PCDH7: variants seen among roughly 807,000 people sequenced by gnomAD.
PCDH7 encodes the protein protocadherin 7.
Under a neutral mutation model 58.9 loss-of-function variants are expected in PCDH7, and 17 were observed. The observed-to-expected ratio is 0.29, with a 90% confidence interval of 0.20 to 0.43. The LOEUF (loss-of-function observed/expected upper bound fraction) is 0.43. PCDH7 is among the 20% of genes least tolerant of loss of function. The pLI, the probability that PCDH7 is intolerant of heterozygous loss-of-function variation, is 1.00. For synonymous variants in PCDH7, 664 were observed against 616.4 expected (o/e 1.08, Z -1.14); for missense variants, 1,274 against 1,441.0 (o/e 0.88, Z 1.88).
chr4:30,917,663 T>C (rs1742652280), intron 1 of PCDH7, among the ~76,000 whole-genome samples: 1 of 151,990 alleles, frequency 6.6e-6, no homozygotes, highest in Admixed American at 6.6e-5. Context: ...AAATAATTTA[T>C]AGAGATTAAA....
At position 31,079,351 on chromosome 4, in the gene PCDH7, T is replaced by TATAG. The variant is rs1553935070; in HGVS notation, c.*8-63119_*8-63118insGATA. Among the ~76,000 whole-genome samples the TATAG allele has an allele frequency of 6.1e-4, 51 of 83,486 alleles. 1 individual carries two copies. The highest frequency in any genetic ancestry group is 8.9e-4 in the Non-Finnish European group (39 of 43,866). 54.8% of individuals were successfully genotyped at this position (83,486 alleles called of 152,430 possible). ...ATATATATATATATATATATATATA[T>TATAG]ATATATATATATACACCACATTTTC... On this transcript the variant is annotated intron_variant, in intron 3 of 3. Coordinates refer to the PCDH7 transcript ENST00000509759.
chr4:31,038,346 C>A (rs1171053674), intron 3 of PCDH7, among the ~76,000 whole-genome samples: 1 of 152,000 alleles, frequency 6.6e-6, no homozygotes, highest in Non-Finnish European at 1.5e-5. Flanking sequence ...ATTTACATTA[C>A]CCATGATAAA....
chr4:31,019,862 T>C lies in PCDH7; in HGVS notation c.*7+69647T>C, dbSNP rs930941997. ...GAATTCTGTTAGCTGCCTGGAAGAA[T>C]AGTACCTGGTATGCTAGGAGTGGGG... On this transcript the variant is annotated intron_variant, in intron 3 of 3. Coordinates refer to the PCDH7 transcript ENST00000509759. Among the ~76,000 whole-genome samples, 15 of 151,858 alleles carry C rather than the reference T, an allele frequency of 9.9e-5. No individual in the cohort carries two copies. The East Asian group carries it at 2.9e-3, about 30-fold the overall frequency.
At chr4:31,131,074 C>T (rs1194184356) in intron 3 of PCDH7, among the ~76,000 whole-genome samples, 5 of 152,112 alleles carry the variant, frequency 3.3e-5, no homozygotes, top group East Asian at 1.9e-4. Flanking sequence ...AGAGTGAATG[C>T]GCAGAGCAGC....
At chr4:30,975,589 G>A (rs1321479781) in intron 3 of PCDH7, among the ~76,000 whole-genome samples, 1 of 152,138 alleles carries the variant, frequency 6.6e-6, no homozygotes, top group Non-Finnish European at 1.5e-5. Context: ...AAAGCAACAT[G>A]TTAGTATTTC....
At chr4:30,952,514 A>G (rs560646319) in intron 3 of PCDH7, among the ~76,000 whole-genome samples, 25 of 152,202 alleles carry the variant, frequency 1.6e-4, no homozygotes, top group African/African-American at 5.1e-4. Context: ...ATAATTTTGG[A>G]AAGGTGAATT....
At chr4:30,776,135 T>C (rs942428254) in intron 1 of PCDH7, 2 of 152,192 alleles carry the variant, frequency 1.3e-5, no homozygotes, top group African/African-American at 4.8e-5. Context: ...GAAGATAACA[T>C]TTTGATTATA....
chr4:30,932,537 AT>A (rs1560512603), intron 2 of PCDH7, among the ~76,000 whole-genome samples: 1 of 152,226 alleles, frequency 6.6e-6, no homozygotes. Flanking sequence ...CTACAAAATA[AT>A]TTCCAAGTAA....
exon 2 of PCDH7, chr4:30,732,766 AT>A (rs1177784551): frequency 1.3e-5 from 2 of 152,084 alleles, no homozygotes; most frequent in Non-Finnish European, 2.9e-5. Context: ...AGTTATGGCT[AT>A]TTACTATTAT....
exon 4 of PCDH7, chr4:31,142,714 A>T (rs752454116): frequency 1.5e-5 from 20 of 1,367,550 alleles, no homozygotes; most frequent in African/African-American, 3.0e-5. Flanking sequence ...AGTTGACCTC[A>T]TCCTATGAGA....
At chr4:30,896,174 C>A (rs1384252573) in intron 1 of PCDH7, among the ~76,000 whole-genome samples, 1 of 152,056 alleles carries the variant, frequency 6.6e-6, no homozygotes, top group Non-Finnish European at 1.5e-5. Context: ...AGTTATATTT[C>A]CATTTTGGAC....
chr4:31,049,908 C>T (rs190416012), intron 3 of PCDH7, among the ~76,000 whole-genome samples: 1 of 152,242 alleles, frequency 6.6e-6, no homozygotes, highest in East Asian at 1.9e-4. Flanking sequence ...ATGGGATTAT[C>T]TCTGCAGACA....
At chr4:30,824,382 G>A (rs557725714) in intron 1 of PCDH7, among the ~76,000 whole-genome samples, 33 of 152,010 alleles carry the variant, frequency 2.2e-4, no homozygotes, top group African/African-American at 7.7e-4. Context: ...ATTTCACGGA[G>A]AGATATCACA....
At chr4:30,883,962 G>A (rs754187439) in intron 1 of PCDH7, among the ~76,000 whole-genome samples, 2 of 152,112 alleles carry the variant, frequency 1.3e-5, no homozygotes, top group African/African-American at 4.8e-5. Flanking sequence ...TGACAAATTG[G>A]TTCCTTTAAC....
At chr4:30,861,165 A>G (rs1360611279) in intron 1 of PCDH7, among the ~76,000 whole-genome samples, 1 of 152,182 alleles carries the variant, frequency 6.6e-6, no homozygotes, top group Non-Finnish European at 1.5e-5. Context: ...CTTATACACT[A>G]GAAGTACTGT....
intron 1 of PCDH7, among the ~76,000 whole-genome samples, chr4:30,816,505 T>A (rs1224477606): frequency 2.0e-5 from 3 of 152,166 alleles, no homozygotes; most frequent in Non-Finnish European, 4.4e-5. Context: ...AAATTAAATC[T>A]GTGCTGTAAT....
intron 3 of PCDH7, among the ~76,000 whole-genome samples, chr4:31,090,751 G>A (rs538872696): frequency 2.0e-5 from 3 of 152,098 alleles, no homozygotes; most frequent in South Asian, 4.1e-4. Context: ...ACAAATTGAT[G>A]AGAAGCATAG....
intron 3 of PCDH7, among the ~76,000 whole-genome samples, chr4:30,984,055 T>C (rs1335100430): frequency 6.6e-6 from 1 of 152,206 alleles, no homozygotes; most frequent in Non-Finnish European, 1.5e-5. Context: ...AACAACTGTG[T>C]TCATGTTCAC....
intron 1 of PCDH7, among the ~76,000 whole-genome samples, chr4:30,820,975 A>G (rs16884127): frequency 0.027 from 4,107 of 152,260 alleles, 115 homozygotes; most frequent in African/African-American, 0.073. Flanking sequence ...AAAAAATGAC[A>G]CTAATGGCTT....
Sources: allele counts gnomAD v4.1 joint callset (sites outside exome capture counted in the v4.1 genomes callset), GRCh38; gene constraint gnomAD v4.1.1; transcripts MANE v1.5; gene names NCBI Gene and HGNC (gene_info 2026-07-23, HGNC 2026-07-21).